RAB3GAP2: variants seen among roughly 807,000 people sequenced by gnomAD.
The protein encoded by RAB3GAP2 is RAB3 GTPase activating non-catalytic protein subunit 2, also known as rab3 GTPase-activating protein non-catalytic subunit.
In RAB3GAP2, 87 loss-of-function variants were observed where a neutral mutation model predicts 185.3. That is an observed-to-expected ratio of 0.47 (90% CI 0.39 to 0.56). The LOEUF (loss-of-function observed/expected upper bound fraction) is 0.56. Ranked by LOEUF, RAB3GAP2 falls within the 20% of genes least tolerant of loss-of-function variation. The pLI is 0.00. For missense variants in RAB3GAP2, 1,492 were observed against 1,638.2 expected, an observed-to-expected ratio of 0.91 and a Z score of 1.54; for synonymous variants, 554 against 576.1, an observed-to-expected ratio of 0.96 and a Z score of 0.55.
In RAB3GAP2 at chr1:220,153,847, T is replaced by G. The variant is rs150546097; in HGVS notation, c.3645+121A>C. ...ACTCCCACCTATGAGTGAGAACATG[T>G]GCTGTTTGGTTTTCTGTCCTTGCGA... On this transcript the variant is annotated intron_variant, in intron 32 of 34. Transcript: ENST00000358951. 4.6e-5 allele frequency: 62 copies of G among 1,357,654 alleles called. No homozygotes were observed. The South Asian group carries it at 6.2e-4, about 14-fold the overall frequency. The allele number at this position is 1,357,654 out of a possible 1,614,324, so 84.1% of individuals were successfully genotyped here. A position where few individuals can be genotyped will look rare whatever the true frequency, so the allele number is the denominator to read the frequency against.
At chr1:220,237,477 T>C (rs1167743418) in intron 1 of RAB3GAP2, among the ~76,000 whole-genome samples, 3 of 152,250 alleles carry the variant, frequency 2.0e-5, no homozygotes, top group East Asian at 3.8e-4. Context: ...ACCAGCGTTA[T>C]AGTTTCTCCT....
intron 8 of RAB3GAP2, among the ~76,000 whole-genome samples, chr1:220,202,810 G>A (rs1658887824): frequency 6.6e-6 from 1 of 152,168 alleles, no homozygotes; most frequent in East Asian, 1.9e-4. Flanking sequence ...AGGCGTGGTG[G>A]TACATGCCTG....
chr1:220,266,308 C>T, intron 1 of RAB3GAP2: 1 of 293,026 alleles, frequency 3.4e-6, no homozygotes, highest in Non-Finnish European at 6.6e-6. Context: ...GTTACACACT[C>T]ACTCAGGTAC....
chr1:220,240,763 CT>C (rs960796739), intron 1 of RAB3GAP2, among the ~76,000 whole-genome samples: 3 of 151,370 alleles, frequency 2.0e-5, no homozygotes, highest in African/African-American at 4.8e-5. Flanking sequence ...CAATCTTTAA[CT>C]TTTTTTTTAT....
intron 1 of RAB3GAP2, chr1:220,254,056 T>C: frequency 1.2e-6 from 2 of 1,613,940 alleles, no homozygotes; most frequent in Non-Finnish European, 1.7e-6. Context: ...GATTCCTGAA[T>C]AGCTAAAACC....
intron 28 of RAB3GAP2, among the ~76,000 whole-genome samples, chr1:220,161,447 C>T (rs1657962354): frequency 6.6e-6 from 1 of 152,168 alleles, no homozygotes; most frequent in Non-Finnish European, 1.5e-5. Flanking sequence ...GTGTCCCTGG[C>T]CACTCAGCTG....
At chr1:220,244,307 C>G (rs536086776) in intron 1 of RAB3GAP2, among the ~76,000 whole-genome samples, 1 of 152,210 alleles carries the variant, frequency 6.6e-6, no homozygotes, top group African/African-American at 2.4e-5. Flanking sequence ...ACTTTTACAA[C>G]AGCCGCAAAA....
chr1:220,256,380 T>C (rs533404155), intron 1 of RAB3GAP2, among the ~76,000 whole-genome samples: 21 of 152,314 alleles, frequency 1.4e-4, no homozygotes, highest in Admixed American at 3.3e-4. Context: ...AGCATCATGA[T>C]GACAGGATCA....
In RAB3GAP2 at chr1:220,196,247, T is replaced by G; in HGVS notation, c.960+3A>C. 1 of 1,612,640 alleles carries G rather than the reference T, an allele frequency of 6.2e-7. No homozygotes were observed. Among genetic ancestry groups the G allele is most frequent in the Non-Finnish European group, 8.5e-7 (1 of 1,178,746 alleles). On this transcript the variant is annotated splice_donor_region_variant and intron_variant, in intron 10 of 34. Transcript: ENST00000358951. Reference sequence around the variant, plus strand: ...TACTCATGATCATTGATAAAACTCATACCTCTAAAGCATAGAAGAAGCCAG... The same window carrying G: ...TACTCATGATCATTGATAAAACTCAGACCTCTAAAGCATAGAAGAAGCCAG...
At chr1:220,245,500 C>G (rs1021638630) in intron 1 of RAB3GAP2, among the ~76,000 whole-genome samples, 1 of 152,120 alleles carries the variant, frequency 6.6e-6, no homozygotes, top group East Asian at 1.9e-4. Flanking sequence ...TATCCCACAC[C>G]TGGCTCGGAG....
chr1:220,153,514 A>C lies in RAB3GAP2; in HGVS notation c.3646-108T>G, dbSNP rs1335147228. The C allele has an allele frequency of 3.0e-6, 3 of 1,015,938 alleles. No individual in the cohort carries two copies. In the African/African-American group the frequency reaches 4.7e-5, roughly 16 times the overall value. The allele number at this position is 1,015,938 out of a possible 1,614,324, so 62.9% of individuals were successfully genotyped here. A position where few individuals can be genotyped will look rare whatever the true frequency, so the allele number is the denominator to read the frequency against. ...TGTCACTTATAGTGGCTTTTCCATT[A>C]AATTGTTTAGTTATCAAAAAAGGAA... On this transcript the variant is annotated intron_variant, in intron 32 of 34. Coordinates refer to ENST00000358951, the MANE Select transcript of RAB3GAP2 (RefSeq NM_012414.4).
At chr1:220,233,461 T>C (rs760366905) in intron 1 of RAB3GAP2, among the ~76,000 whole-genome samples, 4 of 152,176 alleles carry the variant, frequency 2.6e-5, no homozygotes, top group East Asian at 3.9e-4. Context: ...AAAGCCCAGA[T>C]AGGTTTGGAC....
chr1:220,173,141 C>T (rs1658210664), intron 21 of RAB3GAP2, among the ~76,000 whole-genome samples: 1 of 152,192 alleles, frequency 6.6e-6, no homozygotes, highest in Admixed American at 6.5e-5. Flanking sequence ...GGATCTTAGC[C>T]TTGCCTTGGC....
chr1:220,254,688 A>G (rs564256978), intron 1 of RAB3GAP2, among the ~76,000 whole-genome samples: 8 of 152,028 alleles, frequency 5.3e-5, no homozygotes, highest in Middle Eastern at 6.8e-3. Flanking sequence ...AGAAAATAAA[A>G]GGGGTAATAG....
rs945244788 is a variant in RAB3GAP2, at chr1:220,148,590, C to A, written c.*2661G>T. The A allele has an allele frequency of 2.0e-5, 3 of 152,112 alleles. No homozygotes were observed. Among genetic ancestry groups the A allele is most frequent in the Non-Finnish European group, 2.9e-5 (2 of 67,998 alleles). The allele number at this position is 152,112 out of a possible 1,614,324, so 9.4% of individuals were successfully genotyped here. A position where few individuals can be genotyped will look rare whatever the true frequency, so the allele number is the denominator to read the frequency against. On this transcript the variant is annotated 3_prime_UTR_variant, in exon 35 of 35. Coordinates refer to ENST00000358951, the MANE Select transcript of RAB3GAP2 (RefSeq NM_012414.4). ...TTATAAATGAAGTGGACCACAGCAA[C>A]TTCTAAATGAACATTATATTCAGTG...
At chr1:220,171,240 G>T in intron 23 of RAB3GAP2, 120 bp from the exon 24 acceptor site, 1 of 875,684 alleles carries the variant, frequency 1.1e-6, no homozygotes, top group Non-Finnish European at 1.9e-6. Context: ...ACACATACAT[G>T]CTATTTCACA....
intron 1 of RAB3GAP2, among the ~76,000 whole-genome samples, chr1:220,236,157 CT>C (rs944291338): frequency 6.6e-6 from 1 of 151,636 alleles, no homozygotes; most frequent in African/African-American, 2.4e-5. Flanking sequence ...GGGCAATACC[CT>C]TGTGGCTATT....
intron 8 of RAB3GAP2, among the ~76,000 whole-genome samples, chr1:220,204,323 T>C (rs1291095610): frequency 6.6e-6 from 1 of 152,166 alleles, no homozygotes; most frequent in Non-Finnish European, 1.5e-5. Context: ...CAGAATCTTT[T>C]AAATTATTTA....
At chr1:220,204,327 T>C (rs998241635) in intron 8 of RAB3GAP2, among the ~76,000 whole-genome samples, 2 of 152,192 alleles carry the variant, frequency 1.3e-5, no homozygotes, top group Non-Finnish European at 2.9e-5. Context: ...ATCTTTTAAA[T>C]TATTTAAATT....
Sources: allele counts gnomAD v4.1 joint callset (sites outside exome capture counted in the v4.1 genomes callset), GRCh38; gene constraint gnomAD v4.1.1; transcripts MANE v1.5; gene names NCBI Gene and HGNC (gene_info 2026-07-23, HGNC 2026-07-21).